The following ARHGAP31 variants were observed in gnomAD, a reference collection of about 807,000 sequenced individuals.
The protein encoded by ARHGAP31 is Rho GTPase activating protein 31.
In ARHGAP31, 34 loss-of-function variants were observed where a neutral mutation model predicts 113.9. The ratio of observed to expected loss-of-function variants is 0.30; its 90% CI spans 0.23 to 0.40. The LOEUF is 0.40. Ranked by LOEUF, ARHGAP31 falls within the 10% of genes least tolerant of loss-of-function variation. ARHGAP31 has a pLI of 1.00. For missense variants in ARHGAP31, 1,548 were observed against 1,767.1 expected (o/e 0.88, Z 2.22); for synonymous variants, 650 against 684.8 (o/e 0.95, Z 0.79).
At chr3:119,300,964 T>A (rs1198495189) in intron 1 of ARHGAP31, among the ~76,000 whole-genome samples, 1 of 152,132 alleles carries the variant, frequency 6.6e-6, no homozygotes, top group Non-Finnish European at 1.5e-5. Context: ...CTTCGTGGGC[T>A]TAAGTTTAGA....
At chr3:119,335,883 C>T (rs1456190318) in intron 1 of ARHGAP31, among the ~76,000 whole-genome samples, 1 of 152,178 alleles carries the variant, frequency 6.6e-6, no homozygotes, top group Admixed American at 6.5e-5. Flanking sequence ...AGTTTAAAAA[C>T]GGATTCTGGC....
intron 1 of ARHGAP31, among the ~76,000 whole-genome samples, chr3:119,322,930 A>C (rs996938913): frequency 4.6e-5 from 7 of 151,892 alleles, no homozygotes; most frequent in Non-Finnish European, 1.0e-4. Flanking sequence ...GTCCCTCCTG[A>C]ACTCCCGTTC....
intron 9 of ARHGAP31, among the ~76,000 whole-genome samples, chr3:119,401,408 G>T (rs1466359775): frequency 6.6e-6 from 1 of 152,128 alleles, no homozygotes; most frequent in Non-Finnish European, 1.5e-5. Flanking sequence ...ACAAGATTCT[G>T]TTTATTTTTC....
chr3:119,340,815 G>GA (rs1404158078), intron 1 of ARHGAP31, among the ~76,000 whole-genome samples: 1 of 152,044 alleles, frequency 6.6e-6, no homozygotes, highest in African/African-American at 2.4e-5. Flanking sequence ...GAGAATATCT[G>GA]AAAAAAATCC....
At chr3:119,321,197 A>G (rs1421181221) in intron 1 of ARHGAP31, among the ~76,000 whole-genome samples, 1 of 150,912 alleles carries the variant, frequency 6.6e-6, no homozygotes, top group Non-Finnish European at 1.5e-5. Flanking sequence ...ATTAGTGGAA[A>G]AATTGCTCAA....
intron 1 of ARHGAP31, among the ~76,000 whole-genome samples, chr3:119,347,515 C>G (rs1577005843): frequency 6.6e-6 from 1 of 152,188 alleles, no homozygotes; most frequent in African/African-American, 2.4e-5. Context: ...CCCAGAGGGT[C>G]TTTCTGTCTC....
At chr3:119,304,720 C>T (rs2107594527) in intron 1 of ARHGAP31, among the ~76,000 whole-genome samples, 1 of 152,090 alleles carries the variant, frequency 6.6e-6, no homozygotes, top group South Asian at 2.1e-4. Context: ...TGCCCAAGCA[C>T]AGAAGAATGG....
At chr3:119,382,984 T>C in intron 5 of ARHGAP31, 100 bp from the exon 6 acceptor site, 2 of 1,405,462 alleles carry the variant, frequency 1.4e-6, no homozygotes, top group Non-Finnish European at 2.0e-6. Flanking sequence ...ACTGTATCAA[T>C]TTAGGAGATG....
At position 119,301,925 on chromosome 3, in the gene ARHGAP31, C is replaced by T. The variant is rs549308094; in HGVS notation, c.100+6921C>T. Among the ~76,000 whole-genome samples the T allele has an allele frequency of 4.6e-5, 7 of 152,318 alleles. No individual in the cohort carries two copies. In the South Asian group the frequency reaches 8.3e-4, roughly 18 times the overall value. On this transcript the variant is annotated intron_variant, in intron 1 of 11. Coordinates refer to ENST00000264245, the MANE Select transcript of ARHGAP31 (RefSeq NM_020754.4). ...GCTCTGAGCCGCCTTCCCACCCTGG[C>T]GTCTGCATCTCAGGACTCCACTTCC...
chr3:119,393,726 CT>C, intron 8 of ARHGAP31, 135 bp downstream of exon 8: 1 of 1,268,508 alleles, frequency 7.9e-7, no homozygotes, highest in African/African-American at 1.5e-5. Context: ...GAAGAGGAGT[CT>C]TTTTTCAAAA....
intron 10 of ARHGAP31, among the ~76,000 whole-genome samples, chr3:119,403,245 T>C (rs1489195895): frequency 6.6e-6 from 1 of 152,234 alleles, no homozygotes; most frequent in Non-Finnish European, 1.5e-5. Context: ...CTCCTAAGTG[T>C]CCTGCAAATA....
intron 1 of ARHGAP31, among the ~76,000 whole-genome samples, chr3:119,354,476 TTG>T (rs5852200): frequency 0.47 from 69,832 of 147,676 alleles, 17,280 homozygotes; most frequent in Admixed American, 0.61. Context: ...TGTGTGTGGT[TTG>T]TGTGTGTGTG....
chr3:119,358,801 A>G (rs1384427275), intron 1 of ARHGAP31, among the ~76,000 whole-genome samples: 1 of 152,206 alleles, frequency 6.6e-6, no homozygotes, highest in Non-Finnish European at 1.5e-5. Context: ...AAACCCATAG[A>G]AAATAGAACG....
At chr3:119,300,027 C>A (rs1420555781) in intron 1 of ARHGAP31, among the ~76,000 whole-genome samples, 1 of 152,158 alleles carries the variant, frequency 6.6e-6, no homozygotes, top group Non-Finnish European at 1.5e-5. Context: ...TGGAAACCTC[C>A]GATCCTCCTG....
chr3:119,300,992 G>C (rs1483029163), intron 1 of ARHGAP31, among the ~76,000 whole-genome samples: 1 of 152,158 alleles, frequency 6.6e-6, no homozygotes, highest in East Asian at 1.9e-4. Context: ...CTCCGCATTT[G>C]GGCTCCCAGA....
chr3:119,413,900 A>C lies in ARHGAP31; in HGVS notation c.1971A>C (p.Gln657His). ...LANALIWPEI[Q>H]QELKIIESEE... Reference sequence around the variant, plus strand: ...ATGCCCTGATCTGGCCTGAGATTCAACAGGAGCTGAAAATCATTGAATCTG... The same window carrying C: ...ATGCCCTGATCTGGCCTGAGATTCACCAGGAGCTGAAAATCATTGAATCTG... Residue 657 changes from glutamine (Q) to histidine (H), a missense_variant, in exon 12 of 12, where the codon CAA becomes CAC. By Grantham distance (24) the Gln-to-His change is conservative. Transcript: ENST00000264245. The C allele has an allele frequency of 6.2e-7, 1 of 1,614,208 alleles. No homozygotes were observed. Among genetic ancestry groups the C allele is most frequent in the Non-Finnish European group, 8.5e-7 (1 of 1,180,030 alleles).
At chr3:119,301,926 G>T (rs766882742) in intron 1 of ARHGAP31, among the ~76,000 whole-genome samples, 1 of 152,178 alleles carries the variant, frequency 6.6e-6, no homozygotes, top group Non-Finnish European at 1.5e-5. Flanking sequence ...CCACCCTGGC[G>T]TCTGCATCTC....
intron 1 of ARHGAP31, among the ~76,000 whole-genome samples, chr3:119,327,229 G>A (rs1368058030): frequency 6.6e-6 from 1 of 152,084 alleles, no homozygotes; most frequent in Non-Finnish European, 1.5e-5. Context: ...GAATTTAAAG[G>A]GGCTTGACCA....
intron 1 of ARHGAP31, among the ~76,000 whole-genome samples, chr3:119,360,089 C>G (rs1340422246): frequency 6.6e-6 from 1 of 152,180 alleles, no homozygotes; most frequent in African/African-American, 2.4e-5. Flanking sequence ...CTGCCTCTTC[C>G]CTGCTTTCTC....
Sources: allele counts gnomAD v4.1 joint callset (sites outside exome capture counted in the v4.1 genomes callset), GRCh38; gene constraint gnomAD v4.1.1; transcripts MANE v1.5; gene names NCBI Gene and HGNC (gene_info 2026-07-23, HGNC 2026-07-21).